ELOF1: variants seen among roughly 807,000 people sequenced by gnomAD.
The protein encoded by ELOF1 is elongation factor 1.
Under a neutral mutation model 7.1 loss-of-function variants are expected in ELOF1, and 4 were observed. That is an observed-to-expected ratio of 0.56 (90% CI 0.28 to 1.29). The LOEUF (loss-of-function observed/expected upper bound fraction) is 1.29. Among genes scored for constraint, ELOF1 ranks in the 50% most tolerant of loss-of-function variants. ELOF1 has a pLI of 0.10. For synonymous variants in ELOF1, 31 were observed against 31.9 expected, an observed-to-expected ratio of 0.97 and a Z score of 0.09; for missense variants, 59 against 86.3, an observed-to-expected ratio of 0.68 and a Z score of 1.25.
At chr19:11,553,554 TCACACC>T (rs112156914) in intron 3 of ELOF1, 15,259 of 670,944 alleles carry the variant, frequency 0.023, 1,281 homozygotes, top group African/African-American at 0.21. Flanking sequence ...CCACACTCAC[TCACACC>T]CACACCCACA....
chr19:11,558,776 C>T (rs1233472514), intron 1 of ELOF1, among the ~76,000 whole-genome samples: 1 of 151,698 alleles, frequency 6.6e-6, no homozygotes, highest in African/African-American at 2.4e-5. Flanking sequence ...GCCCCAGAAG[C>T]TCATTTTGCC....
chr19:11,556,738 C>T (rs529314574), intron 1 of ELOF1, among the ~76,000 whole-genome samples: 9 of 152,284 alleles, frequency 5.9e-5, no homozygotes, highest in African/African-American at 2.2e-4. Context: ...TGCTCTGTTG[C>T]CCAGGCTGGA....
intron 3 of ELOF1, chr19:11,553,534 C>CCA (rs1972764033): frequency 3.1e-6 from 2 of 635,040 alleles, no homozygotes; most frequent in Non-Finnish European, 5.5e-6. Context: ...ACACGTGCAG[C>CCA]CACACACACC....
intron 3 of ELOF1, chr19:11,553,589 AC>A (rs1972769818): frequency 1.3e-5 from 1 of 77,164 alleles, no homozygotes; most frequent in Non-Finnish European, 2.4e-5. Context: ...CACTACACAC[AC>A]ACACACACAC....
In ELOF1 at chr19:11,554,102, G is replaced by A. The variant is rs977062822; in HGVS notation, c.117-21C>T. 6.8e-6 allele frequency: 11 copies of A among 1,614,078 alleles called. No homozygotes were observed. In the African/African-American group the frequency reaches 1.3e-4, roughly 20 times the overall value. ...GGTCCCTGAAACAGACCAAGAGAAG[G>A]GACTGGTGAGCAATGCGTCCTGGGC... On this transcript the variant is annotated intron_variant, in intron 2 of 3. Transcript: ENST00000586683.
intron 1 of ELOF1, among the ~76,000 whole-genome samples, chr19:11,557,077 T>C (rs1193053677): frequency 1.3e-5 from 2 of 152,198 alleles, no homozygotes; most frequent in Non-Finnish European, 2.9e-5. Flanking sequence ...TACAGCCATC[T>C]GCATTCCCAC....
intron 1 of ELOF1, among the ~76,000 whole-genome samples, chr19:11,558,222 A>G (rs771923950): frequency 6.6e-6 from 1 of 151,844 alleles, no homozygotes; most frequent in Non-Finnish European, 1.5e-5. Context: ...TCCTTATGCG[A>G]TCCTCCCCCT....
At chr19:11,558,705 C>T (rs1173622631) in intron 1 of ELOF1, among the ~76,000 whole-genome samples, 1 of 148,374 alleles carries the variant, frequency 6.7e-6, no homozygotes, top group East Asian at 2.0e-4. Context: ...CCAGCCTCGG[C>T]GACACAGCAA....
Position 11,554,383 on chromosome 19 carries a change from T to C in ELOF1, c.-18-18A>G, listed in dbSNP as rs1972795466. ...GGATGAGCCTGTGGGGAGTGGCAGA[T>C]GTCAGTGGTTTGAGGAAACCACGCA... On this transcript the variant is annotated intron_variant, in intron 1 of 3. Coordinates refer to ENST00000586683, the Ensembl canonical transcript of ELOF1. The C allele has an allele frequency of 1.9e-6, 3 of 1,608,694 alleles. No individual in the cohort carries two copies. Among genetic ancestry groups the C allele is most frequent in the Non-Finnish European group, 2.6e-6 (3 of 1,176,330 alleles).
intron 1 of ELOF1, 131 bp downstream of exon 1, chr19:11,559,060 C>T (rs1014326014): frequency 6.6e-6 from 1 of 152,052 alleles, no homozygotes; most frequent in African/African-American, 2.4e-5. Context: ...GAGTCAGTCT[C>T]CCCGACCGGC....
chr19:11,555,727 G>C (rs944581629), intron 1 of ELOF1: 2 of 152,550 alleles, frequency 1.3e-5, no homozygotes. Flanking sequence ...GAGCTACAAG[G>C]AGTGAAAGGA....
intron 3 of ELOF1, chr19:11,553,615 AC>A: frequency 1.3e-6 from 1 of 799,400 alleles, no homozygotes; most frequent in Non-Finnish European, 1.9e-6. Context: ...ACACACACAC[AC>A]ACACACACAC....
At chr19:11,554,656 G>A (rs538880860) in intron 1 of ELOF1, 3 of 450,374 alleles carry the variant, frequency 6.7e-6, no homozygotes, top group Admixed American at 7.7e-5. Flanking sequence ...ACAGAGACAA[G>A]GCCAGGCATG....
chr19:11,558,408 G>A (rs539696664), intron 1 of ELOF1, among the ~76,000 whole-genome samples: 1 of 152,080 alleles, frequency 6.6e-6, no homozygotes, highest in African/African-American at 2.4e-5. Context: ...GAGCCACCGT[G>A]CCCAGCAATA....
chr19:11,555,857 G>T (rs1277381709), intron 1 of ELOF1: 1 of 153,128 alleles, frequency 6.5e-6, no homozygotes, highest in Non-Finnish European at 1.5e-5. Context: ...AGACAGAGGA[G>T]ACATGGCGGC....
chr19:11,554,004 A>G lies in ELOF1; in HGVS notation c.187+7T>C. 1.9e-6 allele frequency: 3 copies of G among 1,614,186 alleles called. No homozygotes were observed. Among genetic ancestry groups the G allele is most frequent in the Non-Finnish European group, 2.5e-6 (3 of 1,180,038 alleles). On this transcript the variant is annotated splice_region_variant and intron_variant, in intron 3 of 3. Coordinates refer to ENST00000586683, the Ensembl canonical transcript of ELOF1. ...CCTCTGGAAAAAGCCCAGGTTTCCA[A>G]GGATACACGTTATGGGCGTCTGGAA...
chr19:11,554,477 G>A (rs1386341836), intron 1 of ELOF1, 112 bp from the exon 2 acceptor site: 1 of 1,449,164 alleles, frequency 6.9e-7, no homozygotes, highest in Non-Finnish European at 9.2e-7. Flanking sequence ...TGGTCCCGGG[G>A]CCTCTGCCCT....
chr19:11,553,613 AC>A, intron 3 of ELOF1: 1 of 784,188 alleles, frequency 1.3e-6, no homozygotes, highest in Non-Finnish European at 2.0e-6. Flanking sequence ...ACACACACAC[AC>A]ACACACACAC....
intron 3 of ELOF1, chr19:11,553,533 GCCACACACACCCACACTCACTCACAC>G: frequency 1.6e-6 from 1 of 635,302 alleles, no homozygotes; most frequent in Non-Finnish European, 2.7e-6. Context: ...GACACGTGCA[GCCACACACACCCACACTCACTCACAC>G]CCACACCCAC....
Sources: gnomAD v4.1 joint callset for allele counts (sites outside exome capture counted in the v4.1 genomes callset) on GRCh38, gnomAD v4.1.1 for gene constraint, MANE v1.5 for transcripts, NCBI Gene and HGNC (gene_info 2026-07-23, HGNC 2026-07-21) for gene names.